Variants in USPL1 observed in about 807,000 individuals in gnomAD.
USPL1 encodes ubiquitin specific peptidase like 1, also known as SUMO-specific isopeptidase USPL1.
Under a neutral mutation model 51.5 loss-of-function variants are expected in USPL1, and 27 were observed. The observed-to-expected ratio is 0.52, with a 90% confidence interval of 0.39 to 0.72. The LOEUF is 0.72. USPL1 is among the 30% of genes least tolerant of loss of function. USPL1 has a pLI of 0.00. For missense variants in USPL1, 1,226 were observed against 1,268.0 expected, an observed-to-expected ratio of 0.97 and a Z score of 0.50; for synonymous variants, 451 against 459.6, an observed-to-expected ratio of 0.98 and a Z score of 0.24.
rs1950805057 is a variant in USPL1, at chr13:30,631,469, T to G, written c.863T>G (p.Val288Gly). The change falls in exon 4 of 9, where the codon GTT becomes GGT. Residue 288 changes from valine to glycine, a missense_variant. Val to Gly is a moderately radical substitution (Grantham distance 109). Transcript: ENST00000255304. ...TLLYTSQLSG[V>G]KDGDCKKLTS... is the part of the protein sequence containing the mutation. ...CTATATACCAGTCAATTGAGTGGTG[T>G]TAAAGGTTGGTACTAATATTTTATT... 1 of 1,611,172 alleles carries G rather than the reference T, an allele frequency of 6.2e-7. No homozygotes were observed.
At chr13:30,641,058 G>A (rs1950940745) in intron 5 of USPL1, among the ~76,000 whole-genome samples, 1 of 152,106 alleles carries the variant, frequency 6.6e-6, no homozygotes, top group Admixed American at 6.6e-5. Context: ...AATATTTAGG[G>A]GACATATTGT....
At chr13:30,650,378 A>G (rs1187986331) in intron 7 of USPL1, among the ~76,000 whole-genome samples, 1 of 151,642 alleles carries the variant, frequency 6.6e-6, no homozygotes, top group Non-Finnish European at 1.5e-5. Context: ...GGAATTTGAG[A>G]CCATCCTGGC....
intron 7 of USPL1, among the ~76,000 whole-genome samples, chr13:30,648,057 T>C (rs139687606): frequency 1.2e-3 from 180 of 152,290 alleles, no homozygotes; most frequent in African/African-American, 3.1e-3. Context: ...CTGGGCCCCA[T>C]CTCTGTTTAG....
chr13:30,634,817 A>G (rs1950854413), intron 4 of USPL1, among the ~76,000 whole-genome samples: 1 of 152,232 alleles, frequency 6.6e-6, no homozygotes, highest in African/African-American at 2.4e-5. Context: ...AATAGTGTAT[A>G]TAAGAGGTCT....
chr13:30,642,080 TC>T (rs1198650896), intron 5 of USPL1, among the ~76,000 whole-genome samples: 1 of 152,070 alleles, frequency 6.6e-6, no homozygotes, highest in Admixed American at 6.6e-5. Context: ...CTAATTTATT[TC>T]ATTTTATTTT....
rs1267820110 is a variant in USPL1, at chr13:30,658,981, T to G, written c.2904T>G (p.His968Gln). Residue 968 changes from histidine to glutamine, a missense_variant, in exon 9 of 9, where the codon CAT (histidine) becomes CAG (glutamine). His to Gln is a conservative substitution (Grantham distance 24). Transcript: ENST00000255304. The part of the protein sequence containing the change: ...PGVSLYSSQT[H>Q]EEILAELLSP... The stretch of plus-strand genomic sequence containing the variant: ...TTTCCCTGTACAGTAGTCAAACTCA[T>G]GAAGAAATTTTAGCGGAATTATTGT... 3 of 1,614,058 alleles carry G rather than the reference T, an allele frequency of 1.9e-6. No individual in the cohort carries two copies. The highest frequency in any genetic ancestry group is 2.2e-5 in the East Asian group (1 of 44,900).
intron 3 of USPL1, among the ~76,000 whole-genome samples, chr13:30,629,422 G>A (rs1471292413): frequency 1.3e-5 from 2 of 152,150 alleles, no homozygotes; most frequent in Non-Finnish European, 2.9e-5. Context: ...AGGAGGCAGA[G>A]GTTGCAGTGA....
In USPL1 at chr13:30,659,277, C is replaced by G; in HGVS notation, c.3200C>G (p.Ser1067Cys). 1 of 1,614,064 alleles carries G rather than the reference C, an allele frequency of 6.2e-7. No homozygotes were observed. Among genetic ancestry groups the G allele is most frequent in the Admixed American group, 1.7e-5 (1 of 60,008 alleles). Reference sequence around the variant, plus strand: ...ACTGATATTTTCGATGAGTTTTTTTCCTCCTCAGCATTAAATGCTTTAGCA... The same window carrying G: ...ACTGATATTTTCGATGAGTTTTTTTGCTCCTCAGCATTAAATGCTTTAGCA... The part of the protein sequence containing the change: ...MKTDIFDEFF[S>C]SSALNALAND... The change falls in exon 9 of 9, where the codon TCC (serine) becomes TGC (cysteine). Residue 1067 changes from serine to cysteine, a missense_variant. By Grantham distance (112) the Ser-to-Cys change is moderately radical. Coordinates refer to ENST00000255304, the MANE Select transcript of USPL1 (RefSeq NM_005800.5).
intron 1 of USPL1, among the ~76,000 whole-genome samples, chr13:30,619,176 T>C (rs1258969307): frequency 6.6e-6 from 1 of 152,194 alleles, no homozygotes. Context: ...CAAATTAAGT[T>C]GTAAAATCCC....
At chr13:30,653,436 C>G (rs1951118017) in intron 8 of USPL1, 131 bp downstream of exon 8, 1 of 910,454 alleles carries the variant, frequency 1.1e-6, no homozygotes, top group Admixed American at 3.1e-5. Context: ...CCATTCTCGC[C>G]TTTGCCTTCT....
At chr13:30,646,390 A>T (rs1297806435) in intron 6 of USPL1, among the ~76,000 whole-genome samples, 1 of 151,878 alleles carries the variant, frequency 6.6e-6, no homozygotes, top group Non-Finnish European at 1.5e-5. Context: ...GTTAAGTTGT[A>T]TGTATTCCTG....
intron 8 of USPL1, among the ~76,000 whole-genome samples, chr13:30,653,595 T>C (rs1270868864): frequency 6.6e-6 from 1 of 152,208 alleles, no homozygotes; most frequent in Non-Finnish European, 1.5e-5. Flanking sequence ...AGCTCAGTTT[T>C]TTTTTCCCTA....
intron 3 of USPL1, among the ~76,000 whole-genome samples, chr13:30,629,848 G>A (rs912700648): frequency 6.6e-6 from 1 of 152,214 alleles, no homozygotes; most frequent in African/African-American, 2.4e-5. Context: ...TCTGTACAGT[G>A]TAGGGACTGG....
At chr13:30,643,599 C>CCCG (rs1950977169) in intron 6 of USPL1, among the ~76,000 whole-genome samples, 1 of 81,876 alleles carries the variant, frequency 1.2e-5, no homozygotes, top group Non-Finnish European at 2.5e-5. Flanking sequence ...TAACTCTTTC[C>CCCG]ACCCCCCCCC....
At chr13:30,656,100 T>C (rs1951159629) in intron 8 of USPL1, among the ~76,000 whole-genome samples, 1 of 152,240 alleles carries the variant, frequency 6.6e-6, no homozygotes, top group Admixed American at 6.5e-5. Flanking sequence ...CAAATTATCA[T>C]GTGGTAGTAA....
At position 30,657,785 on chromosome 13, in the gene USPL1, G is replaced by C. The variant is rs141505225; in HGVS notation, c.1708G>C (p.Asp570His). 1 of 1,613,948 alleles carries C rather than the reference G, an allele frequency of 6.2e-7. No individual in the cohort carries two copies. Among genetic ancestry groups the C allele is most frequent in the Non-Finnish European group, 8.5e-7 (1 of 1,180,038 alleles). Residue 570 changes from aspartate to histidine, a missense_variant, in exon 9 of 9, where the codon GAT becomes CAT. Coordinates refer to ENST00000255304, the MANE Select transcript of USPL1 (RefSeq NM_005800.5). The part of the protein sequence containing the change: ...LSQDTAVTHG[D>H]HLLSGPKGLV... ...ACAGGACACAGCTGTAACTCATGGA[G>C]ATCATTTACTTTCAGGTCCAAAAGG...
At chr13:30,641,697 G>A (rs1950949617) in intron 5 of USPL1, among the ~76,000 whole-genome samples, 1 of 152,230 alleles carries the variant, frequency 6.6e-6, no homozygotes, top group Non-Finnish European at 1.5e-5. Context: ...CAGTTGTAAA[G>A]TTGTTAAAGG....
At chr13:30,649,953 C>T (rs1415264561) in intron 7 of USPL1, among the ~76,000 whole-genome samples, 3 of 152,188 alleles carry the variant, frequency 2.0e-5, no homozygotes, top group African/African-American at 7.2e-5. Context: ...ACTTGCTCTC[C>T]TCGACTCTGA....
chr13:30,634,642 A>G (rs1950851498), intron 4 of USPL1, among the ~76,000 whole-genome samples: 1 of 152,188 alleles, frequency 6.6e-6, no homozygotes, highest in South Asian at 2.1e-4. Context: ...TTTTGCCATT[A>G]TAAATGCTGC....
Sources: gnomAD v4.1 joint callset for allele counts (sites outside exome capture counted in the v4.1 genomes callset) on GRCh38, gnomAD v4.1.1 for gene constraint, MANE v1.5 for transcripts, NCBI Gene and HGNC (gene_info 2026-07-23, HGNC 2026-07-21) for gene names.